Variants in CCDC170 observed in about 807,000 individuals in gnomAD.
CCDC170 encodes the protein coiled-coil domain-containing protein 170.
A neutral mutation model predicts 72.6 loss-of-function variants in CCDC170; 69 were observed. That is an observed-to-expected ratio of 0.95 (90% CI 0.78 to 1.16). The LOEUF is 1.16. Ranked by LOEUF, CCDC170 falls within the 50% of genes most tolerant of loss-of-function variation. CCDC170 has a pLI of 0.00. For missense variants in CCDC170, 852 were observed against 832.5 expected (o/e 1.02, Z -0.29); for synonymous variants, 300 against 303.9 (o/e 0.99, Z 0.13).
intron 7 of CCDC170, among the ~76,000 whole-genome samples, chr6:151,592,217 A>T (rs1450200487): frequency 6.6e-6 from 1 of 152,028 alleles, no homozygotes; most frequent in Non-Finnish European, 1.5e-5. Flanking sequence ...AAAATTAGCC[A>T]GGCATGGTGG....
chr6:151,592,703 A>C (rs1229095610), intron 7 of CCDC170, among the ~76,000 whole-genome samples: 1 of 152,188 alleles, frequency 6.6e-6, no homozygotes, highest in African/African-American at 2.4e-5. Flanking sequence ...ATGAGATATG[A>C]GTGGTGACAC....
chr6:151,585,965 C>T lies in CCDC170; in HGVS notation c.1169C>T (p.Ala390Val). The T allele has an allele frequency of 6.2e-7, 1 of 1,614,048 alleles. No individual in the cohort carries two copies. The highest frequency in any genetic ancestry group is 8.5e-7 in the Non-Finnish European group (1 of 1,179,978). Residue 390 changes from alanine to valine, a missense_variant, in exon 7 of 11, where the codon GCT becomes GTT. Transcript: ENST00000239374. ...LGKESGFHQK[A>V]LQRAQKAENM... ...AAGGAGTCTGGGTTTCACCAGAAAG[C>T]TCTCCAGAGGGCCCAGAAAGCAGAG...
chr6:151,548,542 A>C lies in CCDC170; in HGVS notation c.774+53A>C, dbSNP rs922514206. The stretch of plus-strand genomic sequence containing the variant: ...TCTGGGACCATGTTGAAGAAGCAGA[A>C]ATGGAAGAGATGGATGTCAGATAAG... On this transcript the variant is annotated intron_variant, in intron 5 of 10. Transcript: ENST00000239374. The C allele has an allele frequency of 2.8e-5, 40 of 1,431,702 alleles. No homozygotes were observed. The Admixed American group carries it at 6.5e-4, about 23-fold the overall frequency. The allele number at this position is 1,431,702 out of a possible 1,614,324, so 88.7% of individuals were successfully genotyped here.
rs189974692 is a variant in CCDC170, at chr6:151,543,552, A to T, written c.444-1020A>T. Among the ~76,000 whole-genome samples the T allele has an allele frequency of 3.7e-4, 57 of 152,306 alleles. 1 individual carries two copies. Among genetic ancestry groups the T allele is most frequent in the African/African-American group, 1.3e-3 (56 of 41,570 alleles). On this transcript the variant is annotated intron_variant, in intron 3 of 10. Transcript: ENST00000239374. ...CAGAACACTAGAACTTACCCCTGCC[A>T]TCTAGCTTTATAACTTTATAACTAT...
chr6:151,521,989 A>ATATATATATATGTATAT (rs1782324226), intron 1 of CCDC170, among the ~76,000 whole-genome samples: 1 of 124,830 alleles, frequency 8.0e-6, no homozygotes, highest in Non-Finnish European at 1.6e-5. Flanking sequence ...CTGTCTCAAA[A>ATATATATATATGTATAT]AAAAAAAAAA....
intron 1 of CCDC170, among the ~76,000 whole-genome samples, chr6:151,528,806 C>T (rs1004476263): frequency 1.6e-4 from 24 of 151,942 alleles, no homozygotes; most frequent in Non-Finnish European, 3.4e-4. Context: ...CCACTGCACT[C>T]CAGCCTGGAC....
intron 7 of CCDC170, among the ~76,000 whole-genome samples, chr6:151,592,553 T>TC (rs1257016362): frequency 3.3e-5 from 5 of 152,050 alleles, no homozygotes; most frequent in Admixed American, 6.5e-5. Context: ...AAAGGGGTTT[T>TC]CCCCTTATAA....
At position 151,618,357 on chromosome 6, in the gene CCDC170, C is replaced by A. The variant is rs1228169344; in HGVS notation, c.*210C>A. The A allele has an allele frequency of 3.7e-6, 2 of 541,094 alleles. No homozygotes were observed. The highest frequency in any genetic ancestry group is 1.9e-5 in the African/African-American group (1 of 53,016). The allele number at this position is 541,094 out of a possible 1,614,324, so 33.5% of individuals were successfully genotyped here. ...AAACGCCTATTATTTCATTTACTAGCATTTTAGGATCCAGAAGAATTCCAC... is the reference window on the plus strand; with the variant it reads ...AAACGCCTATTATTTCATTTACTAGAATTTTAGGATCCAGAAGAATTCCAC... On this transcript the variant is annotated 3_prime_UTR_variant, in exon 11 of 11. Transcript: ENST00000239374.
chr6:151,557,698 A>G (rs1040695175), intron 5 of CCDC170, among the ~76,000 whole-genome samples: 1 of 152,142 alleles, frequency 6.6e-6, no homozygotes, highest in Admixed American at 6.5e-5. Context: ...CCTTGCGAGC[A>G]TCTGTTATGT....
intron 6 of CCDC170, among the ~76,000 whole-genome samples, chr6:151,575,052 ACT>A (rs1429939431): frequency 1.3e-5 from 2 of 152,026 alleles, no homozygotes; most frequent in Admixed American, 6.6e-5. Context: ...ACTATCAAGA[ACT>A]CTCTTTCTCT....
intron 8 of CCDC170, among the ~76,000 whole-genome samples, chr6:151,594,713 G>A (rs1441252705): frequency 6.6e-6 from 1 of 151,282 alleles, no homozygotes; most frequent in Non-Finnish European, 1.5e-5. Flanking sequence ...GTGCAATGGT[G>A]CGATCTCGGC....
At chr6:151,616,114 T>C (rs949555779) in intron 10 of CCDC170, among the ~76,000 whole-genome samples, 7 of 152,180 alleles carry the variant, frequency 4.6e-5, no homozygotes, top group Non-Finnish European at 8.8e-5. Flanking sequence ...GTTTTTGTTA[T>C]GTTAGGTGAT....
chr6:151,588,440 A>C (rs967890589), intron 7 of CCDC170, among the ~76,000 whole-genome samples: 1 of 152,212 alleles, frequency 6.6e-6, no homozygotes, highest in Non-Finnish European at 1.5e-5. Flanking sequence ...AGCTGAGGGA[A>C]GGTAGGGAGC....
At chr6:151,533,255 C>T (rs577772073) in intron 1 of CCDC170, among the ~76,000 whole-genome samples, 10 of 151,648 alleles carry the variant, frequency 6.6e-5, no homozygotes, top group South Asian at 6.2e-4. Flanking sequence ...GGGGTTTCAC[C>T]ATGTTAGCCA....
chr6:151,615,326 A>G (rs926490018), intron 9 of CCDC170, 117 bp from the exon 10 acceptor site: 2 of 762,318 alleles, frequency 2.6e-6, no homozygotes, highest in East Asian at 2.5e-5. Context: ...GATGAACTCC[A>G]TTCTTTATTC....
chr6:151,619,002 G>GAAAAAAAAAAAAA lies in CCDC170; in HGVS notation c.*870_*882dup. 1 of 61,116 alleles carries GAAAAAAAAAAAAA rather than the reference G, an allele frequency of 1.6e-5. No individual in the cohort carries two copies. Among genetic ancestry groups the GAAAAAAAAAAAAA allele is most frequent in the Non-Finnish European group, 2.7e-5 (1 of 36,454 alleles). 3.8% of individuals were successfully genotyped at this position (61,116 alleles called of 1,614,324 possible). Reference sequence around the variant, plus strand: ...GGCGACAGAGTGAAACTACATCTCAGAAAAAAAAAAAAAAAAAAAAAAAAA... The same window carrying GAAAAAAAAAAAAA: ...GGCGACAGAGTGAAACTACATCTCAGAAAAAAAAAAAAAAAAAAAAAAAAAAAAAAAAAAAAAA... On this transcript the variant is annotated 3_prime_UTR_variant, in exon 11 of 11. Transcript: ENST00000239374.
At chr6:151,517,017 A>G (rs1782244871) in intron 1 of CCDC170, among the ~76,000 whole-genome samples, 2 of 152,180 alleles carry the variant, frequency 1.3e-5, no homozygotes, top group Admixed American at 1.3e-4. Flanking sequence ...GCTTGATTTT[A>G]CAAGCTGCTC....
intron 5 of CCDC170, among the ~76,000 whole-genome samples, chr6:151,548,957 G>C (rs1782829177): frequency 6.6e-6 from 1 of 151,996 alleles, no homozygotes; most frequent in Non-Finnish European, 1.5e-5. Context: ...CTGGAGTGCA[G>C]TGGTGCTATC....
chr6:151,615,348 A>G (rs1776945839), intron 9 of CCDC170, 95 bp from the exon 10 acceptor site: 1 of 848,956 alleles, frequency 1.2e-6, no homozygotes, highest in South Asian at 1.6e-5. Context: ...TAAAAAGGGT[A>G]TGAAGTGAAT....
Sources: allele counts gnomAD v4.1 joint callset (sites outside exome capture counted in the v4.1 genomes callset), GRCh38; gene constraint gnomAD v4.1.1; transcripts MANE v1.5; gene names NCBI Gene and HGNC (gene_info 2026-07-23, HGNC 2026-07-21).